Variants in LRRC37A3 observed in about 807,000 individuals in gnomAD.
LRRC37A3 encodes the protein leucine-rich repeat-containing protein 37A3.
Under a neutral mutation model 106.2 loss-of-function variants are expected in LRRC37A3, and 25 were observed. That is an observed-to-expected ratio of 0.24 (90% CI 0.17 to 0.33). The LOEUF (loss-of-function observed/expected upper bound fraction) is 0.33, where lower values mean the gene tolerates loss of function less well. Among genes scored for constraint, LRRC37A3 ranks in the 10% least tolerant of loss-of-function variants. The probability of loss-of-function intolerance (pLI) is 1.00; values close to 1 mark genes in which losing one functional copy is unlikely to be tolerated. For missense variants in LRRC37A3, 712 were observed against 1,644.9 expected (o/e 0.43, Z 9.81); for synonymous variants, 305 against 635.8 (o/e 0.48, Z 7.83).
Position 64,854,531 on chromosome 17 carries a change from C to CT in LRRC37A3, c.*67dup. On this transcript the variant is annotated 3_prime_UTR_variant, in exon 15 of 15. Coordinates refer to ENST00000584306, the MANE Select transcript of LRRC37A3 (RefSeq NM_199340.5). ...GTGTGGGCCGCTGGCTTCAGTCCTGCTTTTTTGATGGCCGTTGTTTACGCT... is the reference window on the plus strand; with the variant it reads ...GTGTGGGCCGCTGGCTTCAGTCCTGCTTTTTTTGATGGCCGTTGTTTACGCT... 6.2e-7 allele frequency: 1 copy of CT among 1,612,234 alleles called. No homozygotes were observed. The highest frequency in any genetic ancestry group is 8.5e-7 in the Non-Finnish European group (1 of 1,178,382).
chr17:64,899,632 T>C (rs1485139468), intron 2 of LRRC37A3: 1 of 146,072 alleles, frequency 6.8e-6, no homozygotes, highest in African/African-American at 2.8e-5. Flanking sequence ...ATAAGCCATA[T>C]TTGAAAGGCA....
intron 2 of LRRC37A3, among the ~76,000 whole-genome samples, chr17:64,911,175 T>C (rs941015252): frequency 2.0e-5 from 3 of 150,854 alleles, no homozygotes; most frequent in African/African-American, 7.3e-5. Flanking sequence ...AAACAACCGT[T>C]TGCATTTTTA....
rs1367039518 is a variant in LRRC37A3, at chr17:64,860,886, A to G, written c.3260T>C (p.Ile1087Thr). The change falls in exon 12 of 15, where the codon ATT becomes ACT. Residue 1087 changes from isoleucine (I) to threonine (T), a missense_variant. Coordinates refer to ENST00000584306, the MANE Select transcript of LRRC37A3 (RefSeq NM_199340.5). ...GCTGTCTGAGGGCTCCTCCGGCTCA[A>G]TAATCAGCTCAGTGCTTGTGTAATT... ...RKNYTSTELI[I>T]EPEEPSDSSG... 6.2e-7 allele frequency: 1 copy of G among 1,614,066 alleles called. No individual in the cohort carries two copies. The highest frequency in any genetic ancestry group is 1.3e-5 in the African/African-American group (1 of 74,934).
chr17:64,861,429 A>G (rs1268961217), intron 11 of LRRC37A3, among the ~76,000 whole-genome samples: 1 of 152,178 alleles, frequency 6.6e-6, no homozygotes, highest in African/African-American at 2.4e-5. Context: ...GCTGAATGCA[A>G]TGAAAGGCGG....
chr17:64,866,773 G>A (rs962954829), intron 10 of LRRC37A3, among the ~76,000 whole-genome samples: 3 of 139,606 alleles, frequency 2.1e-5, no homozygotes, highest in South Asian at 4.5e-4. Context: ...TGGGACTACA[G>A]GCGTGTGCCA....
intron 10 of LRRC37A3, among the ~76,000 whole-genome samples, chr17:64,866,801 T>TTATATA (rs61583094): frequency 7.4e-4 from 92 of 124,714 alleles, no homozygotes; most frequent in African/African-American, 2.0e-3. Flanking sequence ...TGGCTGATTT[T>TTATATA]TATATATATA....
At chr17:64,868,033 CG>C (rs2143432916) in intron 10 of LRRC37A3, among the ~76,000 whole-genome samples, 1 of 151,920 alleles carries the variant, frequency 6.6e-6, no homozygotes, top group South Asian at 2.1e-4. Context: ...TAGGTCATGC[CG>C]CTGCACTGCA....
At chr17:64,866,599 TATATATATATATATATATATATATATATA>T (rs1241939162) in intron 10 of LRRC37A3, among the ~76,000 whole-genome samples, 9 of 18,346 alleles carry the variant, frequency 4.9e-4, no homozygotes, top group Admixed American at 6.7e-4. Flanking sequence ...CATATATATA[TATATATATATATATATATATATATATATA>T]TTTTTTTTTT....
At chr17:64,913,425 C>A (rs1346372133) in intron 2 of LRRC37A3, among the ~76,000 whole-genome samples, 1 of 150,182 alleles carries the variant, frequency 6.7e-6, no homozygotes, top group Non-Finnish European at 1.5e-5. Context: ...ACTGCAATAT[C>A]CAACTCCCGG....
At chr17:64,863,183 T>C in intron 10 of LRRC37A3, 165 bp from the exon 11 acceptor site, 1 of 742,068 alleles carries the variant, frequency 1.3e-6, no homozygotes, top group Non-Finnish European at 2.3e-6. Flanking sequence ...AGGACAAAAG[T>C]GCCCAACTGA....
chr17:64,917,028 G>A (rs1314524572), intron 2 of LRRC37A3, among the ~76,000 whole-genome samples: 8 of 150,888 alleles, frequency 5.3e-5, no homozygotes, highest in African/African-American at 1.5e-4. Context: ...GGCAGATCAC[G>A]AGGTCAGGAT....
chr17:64,875,316 G>C (rs2143477206), intron 8 of LRRC37A3, among the ~76,000 whole-genome samples: 1 of 152,186 alleles, frequency 6.6e-6, no homozygotes, highest in African/African-American at 2.4e-5. Flanking sequence ...GAGGACAAAA[G>C]GCAATGAAAT....
At chr17:64,859,182 C>T (rs932640183) in intron 12 of LRRC37A3, among the ~76,000 whole-genome samples, 1 of 152,116 alleles carries the variant, frequency 6.6e-6, no homozygotes, top group Non-Finnish European at 1.5e-5. Context: ...AAACTCCTGA[C>T]TTCAAGTAAT....
chr17:64,869,047 A>T, intron 9 of LRRC37A3, 48 bp downstream of exon 9: 1 of 1,547,420 alleles, frequency 6.5e-7, no homozygotes, highest in Admixed American at 2.3e-5. Context: ...TGAAAAATTT[A>T]AAAAGCATAA....
chr17:64,880,478 T>C (rs1973662640), intron 8 of LRRC37A3, among the ~76,000 whole-genome samples: 2 of 152,258 alleles, frequency 1.3e-5, no homozygotes, highest in South Asian at 2.1e-4. Flanking sequence ...CAGTAGATGA[T>C]CATTTCCATT....
chr17:64,882,687 C>A (rs1339786207), intron 8 of LRRC37A3, among the ~76,000 whole-genome samples: 1 of 150,776 alleles, frequency 6.6e-6, no homozygotes, highest in Non-Finnish European at 1.5e-5. Flanking sequence ...ATGTTTGTGA[C>A]CGAAGCTCAA....
intron 8 of LRRC37A3, among the ~76,000 whole-genome samples, chr17:64,882,761 A>G (rs1478935280): frequency 5.9e-5 from 9 of 151,946 alleles, no homozygotes; most frequent in Non-Finnish European, 1.2e-4. Flanking sequence ...AAATAATTCA[A>G]TAGGGATAAA....
intron 8 of LRRC37A3, among the ~76,000 whole-genome samples, chr17:64,873,005 T>C (rs1973372886): frequency 1.3e-5 from 2 of 152,356 alleles, no homozygotes; most frequent in Admixed American, 6.5e-5. Flanking sequence ...TAAATCTTCA[T>C]TTAATCATTA....
intron 12 of LRRC37A3, among the ~76,000 whole-genome samples, chr17:64,859,084 CT>C (rs1972777741): frequency 6.6e-6 from 1 of 152,056 alleles, no homozygotes; most frequent in Non-Finnish European, 1.5e-5. Flanking sequence ...TCCCAAGTAG[CT>C]GGGACTACAG....
Sources: allele counts gnomAD v4.1 joint callset (sites outside exome capture counted in the v4.1 genomes callset), GRCh38; gene constraint gnomAD v4.1.1; transcripts MANE v1.5; gene names NCBI Gene and HGNC (gene_info 2026-07-23, HGNC 2026-07-21).